Variants in PARP6 observed in about 807,000 individuals in gnomAD.
PARP6 encodes the protein poly(ADP-ribose) polymerase family member 6.
PARP6 carries 27 observed loss-of-function variants against 92.0 expected under a neutral mutation model. The ratio of observed to expected loss-of-function variants is 0.29; its 90% CI spans 0.22 to 0.40. The LOEUF is 0.40. Among genes scored for constraint, PARP6 ranks in the 10% least tolerant of loss-of-function variants. PARP6 has a pLI of 1.00. For missense variants in PARP6, 501 were observed against 784.5 expected, an observed-to-expected ratio of 0.64 and a Z score of 4.32; for synonymous variants, 272 against 281.2, an observed-to-expected ratio of 0.97 and a Z score of 0.33.
At chr15:72,257,278 A>G in intron 13 of PARP6, 70 bp downstream of exon 13, 1 of 1,102,174 alleles carries the variant, frequency 9.1e-7, no homozygotes, top group South Asian at 1.3e-5. Context: ...TTAAATTCCA[A>G]GAATGAAATT....
chr15:72,270,339 T>C (rs2087226544), intron 2 of PARP6, among the ~76,000 whole-genome samples: 1 of 152,184 alleles, frequency 6.6e-6, no homozygotes, highest in Non-Finnish European at 1.5e-5. Flanking sequence ...CTGGTGAAGC[T>C]ATGTGACGTA....
intron 2 of PARP6, among the ~76,000 whole-genome samples, chr15:72,268,061 C>CT (rs1205959890): frequency 6.6e-6 from 1 of 152,244 alleles, no homozygotes; most frequent in African/African-American, 2.4e-5. Context: ...TATTAATACA[C>CT]TTTTATTATA....
At chr15:72,253,968 G>C (rs1257555723) in intron 15 of PARP6, 1 of 451,976 alleles carries the variant, frequency 2.2e-6, no homozygotes, top group Non-Finnish European at 4.4e-6. Flanking sequence ...GAGTACAAAT[G>C]AATGTCTATT....
rs1397926014 is a variant in PARP6 at position 72,259,681 on chromosome 15, A to G, written c.757-20T>C. On this transcript the variant is annotated intron_variant, in intron 10 of 23. Coordinates refer to ENST00000569795, the MANE Select transcript of PARP6 (RefSeq NM_001323532.2). ...ACTGACCTGGTGAGAGTAAAAAGAC[A>G]GACCCCGTGAACCTCCTATGAAGCT... is the stretch of plus-strand genomic sequence containing the variant. 1.2e-6 allele frequency: 2 copies of G among 1,612,252 alleles called. No individual in the cohort carries two copies. The highest frequency in any genetic ancestry group is 1.7e-6 in the Non-Finnish European group (2 of 1,178,546).
At chr15:72,265,327 G>T in intron 6 of PARP6, 86 bp downstream of exon 6, 1 of 1,205,598 alleles carries the variant, frequency 8.3e-7, no homozygotes, top group Non-Finnish European at 1.2e-6. Flanking sequence ...TCCAAATACA[G>T]CACTCGGGAA....
In PARP6 at chr15:72,250,903, C is replaced by T; in HGVS notation, c.1360G>A (p.Ala454Thr). Reference protein sequence around the residue: ...HQFLLLSSPPAKEARFRTAKK... With the variant: ...HQFLLLSSPPTKEARFRTAKK... ...GCGGTCCGGAACCGAGCCTCCTTGG[C>T]AGGAGGGCTGCTCAGCAGGAGGAAC... Residue 454 changes from alanine (A) to threonine (T), a missense_variant, in exon 18 of 24, where the codon GCC (alanine) becomes ACC (threonine). Around this residue, in one of 4 missense-constraint regions of PARP6, gnomAD observed 191 missense variants for 399.1 expected, o/e 0.48. Coordinates refer to ENST00000569795, the MANE Select transcript of PARP6 (RefSeq NM_001323532.2). 2 of 1,613,436 alleles carry T rather than the reference C, an allele frequency of 1.2e-6. No individual in the cohort carries two copies. Among genetic ancestry groups the T allele is most frequent in the Non-Finnish European group, 1.7e-6 (2 of 1,179,750 alleles).
intron 13 of PARP6, among the ~76,000 whole-genome samples, chr15:72,256,856 G>A (rs550781577): frequency 9.9e-5 from 15 of 152,058 alleles, no homozygotes; most frequent in South Asian, 2.1e-4. Flanking sequence ...ATTTTCCTAC[G>A]GAAATATTTT....
At chr15:72,257,207 A>AT in intron 13 of PARP6, 141 bp downstream of exon 13, 1 of 623,916 alleles carries the variant, frequency 1.6e-6, no homozygotes, top group Non-Finnish European at 2.9e-6. Context: ...GGTTGTATCC[A>AT]TTTTTTATTT....
intron 14 of PARP6, among the ~76,000 whole-genome samples, chr15:72,255,712 C>G (rs1219689282): frequency 6.6e-6 from 1 of 151,708 alleles, no homozygotes; most frequent in African/African-American, 2.4e-5. Context: ...CCTTCTCTCT[C>G]CATATATATC....
chr15:72,255,051 C>G (rs2084883914), intron 14 of PARP6, among the ~76,000 whole-genome samples: 1 of 152,044 alleles, frequency 6.6e-6, no homozygotes, highest in African/African-American at 2.4e-5. Flanking sequence ...AATCGATGAC[C>G]TAAATAGAAC....
At position 72,241,539 on chromosome 15, in the gene PARP6, C is replaced by T. The variant is rs1004053148; in HGVS notation, c.1809G>A (p.Val603=). ...CCTGAGTATTAATGTTGGCATCGCC[C>T]ACCTGACCATCCTCATATCTGCCAA... ...RFFFVYEDGQ[V]GDANINTQDP... is the part of the protein sequence containing the mutation. Residue 603 remains valine, a synonymous_variant, in exon 24 of 24, where the codon GTG becomes GTA. Coordinates refer to ENST00000569795, the MANE Select transcript of PARP6 (RefSeq NM_001323532.2). The surrounding 1 kb of genome is among the most constrained non-coding windows in gnomAD (Gnocchi z 4.1). 3.7e-6 allele frequency: 6 copies of T among 1,613,498 alleles called. No individual in the cohort carries two copies. In the African/African-American group the frequency reaches 6.7e-5, roughly 18 times the overall value.
chr15:72,264,461 C>T, intron 8 of PARP6, 94 bp downstream of exon 8: 1 of 883,520 alleles, frequency 1.1e-6, no homozygotes, highest in South Asian at 1.6e-5. Context: ...TGGAAGGGGG[C>T]ATTCCATCCA....
chr15:72,264,696 C>A, intron 7 of PARP6, 75 bp from the exon 8 acceptor site: 1 of 1,120,250 alleles, frequency 8.9e-7, no homozygotes, highest in Non-Finnish European at 1.3e-6. Flanking sequence ...AGTGGAATAG[C>A]TTCCATACAT....
chr15:72,257,357 A>G lies in PARP6; in HGVS notation c.990T>C (p.Thr330=), dbSNP rs1394608830. 1 of 1,612,974 alleles carries G rather than the reference A, an allele frequency of 6.2e-7. No homozygotes were observed. The highest frequency in any genetic ancestry group is 1.7e-5 in the Admixed American group (1 of 60,014). The change falls in exon 13 of 24, where the codon ACT becomes ACC. Residue 330 remains threonine (T), a synonymous_variant. Coordinates refer to ENST00000569795, the MANE Select transcript of PARP6 (RefSeq NM_001323532.2). ...TTTCCCTCCCCCATACCTCTGCTCC[A>G]GTGGCCACCTCCTCTGCAGCTCCAG... The part of the protein sequence containing the change: ...VMSGAAEEVA[T]GAEVVDLLVA...
chr15:72,267,155 A>G (rs2086706536), intron 3 of PARP6: 1 of 526,320 alleles, frequency 1.9e-6, no homozygotes, highest in East Asian at 3.2e-5. Context: ...ACTCCTAAGC[A>G]TATCTGGGTT....
intron 4 of PARP6, 146 bp downstream of exon 4, chr15:72,266,599 A>G: frequency 1.6e-6 from 1 of 632,724 alleles, no homozygotes. Context: ...GCACGGGATC[A>G]GCTCTGACAA....
intron 20 of PARP6, chr15:72,243,521 A>C (rs1265343320): frequency 6.6e-6 from 1 of 152,230 alleles, no homozygotes; most frequent in Non-Finnish European, 1.5e-5. Flanking sequence ...TTGAGAAAGA[A>C]GTGCCCATTC....
chr15:72,253,777 A>G, intron 15 of PARP6: 1 of 599,938 alleles, frequency 1.7e-6, no homozygotes. Flanking sequence ...AAAGTTGATT[A>G]TAAATCAAAA....
At chr15:72,256,061 T>C (rs376975451) in intron 14 of PARP6, among the ~76,000 whole-genome samples, 2 of 152,224 alleles carry the variant, frequency 1.3e-5, no homozygotes, top group East Asian at 3.9e-4. Flanking sequence ...CCTCCCAAAG[T>C]GCTGGGATTA....
Sources: gnomAD v4.1 joint callset for allele counts (sites outside exome capture counted in the v4.1 genomes callset) on GRCh38, gnomAD v4.1.1 for gene constraint, gnomAD v4.1.1 regional missense constraint, Gnocchi (gnomAD v3.1) non-coding constraint, MANE v1.5 for transcripts, NCBI Gene and HGNC (gene_info 2026-07-23, HGNC 2026-07-21) for gene names.